ERI3: variants seen among roughly 807,000 people sequenced by gnomAD.
ERI3 encodes the protein ERI1 exoribonuclease 3.
Under a neutral mutation model 44.4 loss-of-function variants are expected in ERI3, and 18 were observed. The ratio of observed to expected loss-of-function variants is 0.41; its 90% CI spans 0.28 to 0.60. The LOEUF is 0.60. Ranked by LOEUF, ERI3 falls within the 20% of genes least tolerant of loss-of-function variation. The pLI is 0.36. For synonymous variants in ERI3, 183 were observed against 164.8 expected, an observed-to-expected ratio of 1.11 and a Z score of -0.84; for missense variants, 294 against 435.5, an observed-to-expected ratio of 0.68 and a Z score of 2.89.
intron 1 of ERI3, chr1:44,353,627 C>T: frequency 2.0e-6 from 2 of 985,312 alleles, no homozygotes; most frequent in Non-Finnish European, 2.4e-6. Flanking sequence ...ACCAATTTAC[C>T]CCACCACAAA....
Position 44,306,422 on chromosome 1 carries a change from G to C in ERI3, c.758+1888C>G, listed in dbSNP as rs372217434. On this transcript the variant is annotated intron_variant, in intron 6 of 8. Transcript: ENST00000372257. ...AGTCAGAAGGTGCGGATGCGGTAAG[G>C]TATGCGCTCATTAAGACTTGGCTTC... Among the ~76,000 whole-genome samples the C allele has an allele frequency of 2.0e-5, 3 of 152,268 alleles. No homozygotes were observed. The East Asian group carries it at 5.8e-4, about 29-fold the overall frequency.
chr1:44,351,134 A>C (rs1411307084), intron 2 of ERI3, among the ~76,000 whole-genome samples: 9 of 151,616 alleles, frequency 5.9e-5, no homozygotes, highest in South Asian at 2.1e-4. Flanking sequence ...TCTGGGTTCA[A>C]GCAATTCTCC....
intron 5 of ERI3, among the ~76,000 whole-genome samples, chr1:44,309,163 T>A (rs1458337756): frequency 6.6e-6 from 1 of 152,220 alleles, no homozygotes; most frequent in Non-Finnish European, 1.5e-5. Context: ...CACTGGAAAT[T>A]CAAATACTAA....
chr1:44,340,143 C>T (rs1646622908), intron 2 of ERI3, among the ~76,000 whole-genome samples: 1 of 73,580 alleles, frequency 1.4e-5, no homozygotes, highest in African/African-American at 5.4e-5. Context: ...TCTGAGTGAA[C>T]ATGTGCAAAA....
intron 6 of ERI3, among the ~76,000 whole-genome samples, chr1:44,290,360 C>G (rs1380709720): frequency 6.6e-6 from 1 of 152,236 alleles, no homozygotes. Flanking sequence ...GCCAACCAAC[C>G]AGCCAGTTGG....
At chr1:44,275,752 C>T (rs1329043002) in intron 7 of ERI3, among the ~76,000 whole-genome samples, 1 of 152,090 alleles carries the variant, frequency 6.6e-6, no homozygotes, top group African/African-American at 2.4e-5. Flanking sequence ...TCTAGGTGGC[C>T]CTTATCCCTA....
At chr1:44,325,554 A>C (rs1354714634) in intron 3 of ERI3, among the ~76,000 whole-genome samples, 1 of 152,244 alleles carries the variant, frequency 6.6e-6, no homozygotes, top group Non-Finnish European at 1.5e-5. Flanking sequence ...TGTCTGCAGA[A>C]ATAAAAATAA....
chr1:44,345,074 A>C (rs1490627783), intron 2 of ERI3, among the ~76,000 whole-genome samples: 24 of 152,262 alleles, frequency 1.6e-4, no homozygotes. Flanking sequence ...AATGAGGGAA[A>C]TAATATGCCT....
intron 6 of ERI3, among the ~76,000 whole-genome samples, chr1:44,293,865 G>A (rs960895323): frequency 1.3e-5 from 2 of 152,052 alleles, no homozygotes; most frequent in African/African-American, 2.4e-5. Context: ...TGGTACACAC[G>A]CACCTCTGGC....
chr1:44,225,756 C>T (rs1027316748), intron 8 of ERI3, among the ~76,000 whole-genome samples: 2 of 152,176 alleles, frequency 1.3e-5, no homozygotes, highest in Admixed American at 6.5e-5. Flanking sequence ...TCTCCATTAG[C>T]GGTACTTACC....
intron 7 of ERI3, among the ~76,000 whole-genome samples, chr1:44,263,927 C>G (rs1266586985): frequency 6.6e-6 from 1 of 152,214 alleles, no homozygotes; most frequent in Non-Finnish European, 1.5e-5. Flanking sequence ...GGGGACATGT[C>G]TGGGGATCAG....
chr1:44,259,044 A>G (rs1644833560), intron 7 of ERI3, among the ~76,000 whole-genome samples: 1 of 152,142 alleles, frequency 6.6e-6, no homozygotes, highest in Non-Finnish European at 1.5e-5. Flanking sequence ...ATTCACAACA[A>G]ACATTTACTG....
chr1:44,232,368 C>T (rs1013951891), intron 8 of ERI3, among the ~76,000 whole-genome samples: 28 of 152,126 alleles, frequency 1.8e-4, no homozygotes, highest in African/African-American at 6.5e-4. Context: ...TCTCAGGACA[C>T]AGGCTATGTT....
chr1:44,312,210 C>T (rs1645986974), intron 5 of ERI3, among the ~76,000 whole-genome samples: 1 of 152,244 alleles, frequency 6.6e-6, no homozygotes. Context: ...TTCCTCTAGG[C>T]TGCACACCTC....
At position 44,221,150 on chromosome 1, in the gene ERI3, A is replaced by C. The variant is rs1201915010; in HGVS notation, c.*408T>G. 1 of 275,762 alleles carries C rather than the reference A, an allele frequency of 3.6e-6. No homozygotes were observed. Among genetic ancestry groups the C allele is most frequent in the Non-Finnish European group, 7.0e-6 (1 of 143,420 alleles). The allele number at this position is 275,762 out of a possible 1,614,324, so 17.1% of individuals were successfully genotyped here. On this transcript the variant is annotated 3_prime_UTR_variant, in exon 9 of 9. Transcript: ENST00000372257. This position sits in a 1 kb window ranked among gnomAD's most constrained non-coding sequence, Gnocchi z 5.9. ...TCACAGCGGGGATGGGGGTAGACAC[A>C]AGGTGGGGCCTGATCTGTCCTGGAG...
intron 7 of ERI3, among the ~76,000 whole-genome samples, chr1:44,264,296 T>C (rs325169): frequency 0.43 from 65,249 of 151,986 alleles, 15,856 homozygotes; most frequent in African/African-American, 0.67. Context: ...ACATCCTGCT[T>C]AGCCCTGAGA....
intron 3 of ERI3, among the ~76,000 whole-genome samples, chr1:44,321,852 G>C (rs953466030): frequency 2.6e-5 from 4 of 152,170 alleles, no homozygotes; most frequent in Non-Finnish European, 5.9e-5. Flanking sequence ...AGTGTTTGGA[G>C]ACCTACAGTT....
intron 7 of ERI3, among the ~76,000 whole-genome samples, chr1:44,268,582 A>G (rs577701660): frequency 6.6e-6 from 1 of 152,350 alleles, no homozygotes; most frequent in South Asian, 2.1e-4. Context: ...CTGAGGAGTC[A>G]GCCAGGGAAA....
At chr1:44,225,701 C>T (rs1468158576) in intron 8 of ERI3, among the ~76,000 whole-genome samples, 1 of 152,176 alleles carries the variant, frequency 6.6e-6, no homozygotes, top group Non-Finnish European at 1.5e-5. Context: ...TCACTTAGGA[C>T]ACCCAGAAAG....
Sources: gnomAD v4.1 joint callset for allele counts (sites outside exome capture counted in the v4.1 genomes callset) on GRCh38, gnomAD v4.1.1 for gene constraint, Gnocchi (gnomAD v3.1) non-coding constraint, MANE v1.5 for transcripts, NCBI Gene and HGNC (gene_info 2026-07-23, HGNC 2026-07-21) for gene names.